Variants in LIPA observed in about 807,000 individuals in gnomAD.
The protein encoded by LIPA is lysosomal acid lipase/cholesteryl ester hydrolase.
LIPA carries 26 observed loss-of-function variants against 40.6 expected under a neutral mutation model. The ratio of observed to expected loss-of-function variants is 0.64; its 90% CI spans 0.47 to 0.89. The LOEUF (loss-of-function observed/expected upper bound fraction) is 0.89. Among genes scored for constraint, LIPA ranks in the 40% least tolerant of loss-of-function variants. The pLI is 0.00. For missense variants in LIPA, 455 were observed against 479.6 expected (o/e 0.95, Z 0.48); for synonymous variants, 188 against 168.4 (o/e 1.12, Z -0.90).
chr10:89,353,299 A>G (rs1015269984), intron 2 of LIPA, among the ~76,000 whole-genome samples: 2 of 152,192 alleles, frequency 1.3e-5, no homozygotes, highest in African/African-American at 4.8e-5. Context: ...GGCAGAGTTT[A>G]ACTGGTATAT....
At chr10:89,308,344 T>C (rs189248358) in intron 1 of LIPA, 1 of 152,090 alleles carries the variant, frequency 6.6e-6, no homozygotes, top group South Asian at 2.1e-4. Context: ...AAATGAAGAC[T>C]GAACTCTGTT....
chr10:89,363,024 GA>G, intron 2 of LIPA: 1 of 244,108 alleles, frequency 4.1e-6, no homozygotes. Context: ...AAAGCACACT[GA>G]AAAAGCTCTA....
intron 1 of LIPA, chr10:89,306,434 T>C: frequency 1.2e-6 from 2 of 1,614,058 alleles, no homozygotes; most frequent in Non-Finnish European, 1.7e-6. Context: ...AGCGAAGGTG[T>C]GCTTTGAGAA....
chr10:89,250,107 C>CTTTTTTT (rs398038546), intron 1 of LIPA, among the ~76,000 whole-genome samples: 13 of 96,064 alleles, frequency 1.4e-4, no homozygotes, highest in Middle Eastern at 0.013. Flanking sequence ...TCTTTTCTTT[C>CTTTTTTT]TTTTTTTTTT....
chr10:89,307,168 A>G, intron 1 of LIPA: 3 of 1,613,962 alleles, frequency 1.9e-6, no homozygotes, highest in Non-Finnish European at 2.5e-6. Flanking sequence ...TAAACCAGAA[A>G]TCAAGGGAGA....
intron 1 of LIPA, chr10:89,301,895 CT>C (rs1449944377): frequency 2.1e-6 from 1 of 472,770 alleles, no homozygotes; most frequent in Non-Finnish European, 3.9e-6. Flanking sequence ...AAAGAGTCCT[CT>C]AAAGTATAAT....
chr10:89,331,948 T>C (rs1017753630), intron 1 of LIPA, among the ~76,000 whole-genome samples: 13 of 151,788 alleles, frequency 8.6e-5, no homozygotes, highest in Non-Finnish European at 1.9e-4. Flanking sequence ...CTAGGTTGTC[T>C]GAGGCCGGGC....
intron 1 of LIPA, among the ~76,000 whole-genome samples, chr10:89,273,076 A>G (rs2133493735): frequency 6.6e-6 from 1 of 152,366 alleles, no homozygotes; most frequent in Admixed American, 6.5e-5. Flanking sequence ...AAGAAGTTAT[A>G]AACACTAGCT....
chr10:89,262,450 C>G (rs1843215644), intron 1 of LIPA, among the ~76,000 whole-genome samples: 1 of 152,200 alleles, frequency 6.6e-6, no homozygotes, highest in Non-Finnish European at 1.5e-5. Flanking sequence ...GCCTAAGGCT[C>G]CTAAATGACA....
intron 1 of LIPA, among the ~76,000 whole-genome samples, chr10:89,250,098 C>CTTTCTTTTTTTTTTTTTTTTTTTTTTTT (rs1564767178): frequency 2.0e-5 from 2 of 101,680 alleles, no homozygotes; most frequent in Non-Finnish European, 3.9e-5. Context: ...TTTTTCTTTT[C>CTTTCTTTTTTTTTTTTTTTTTTTTTTTT]TTTTCTTTCT....
chr10:89,335,338 T>A (rs1281652924), intron 1 of LIPA: 1 of 152,176 alleles, frequency 6.6e-6, no homozygotes, highest in Non-Finnish European at 1.5e-5. Flanking sequence ...AGATCCATAT[T>A]CAGAGCTCTT....
chr10:89,371,964 G>C (rs1181263231), intron 2 of LIPA, among the ~76,000 whole-genome samples: 2 of 152,170 alleles, frequency 1.3e-5, no homozygotes, highest in Admixed American at 6.5e-5. Context: ...CAGAAAACAA[G>C]ATACTGCATG....
chr10:89,256,376 T>C (rs1434759350), upstream of LIPA, among the ~76,000 whole-genome samples: 2 of 152,118 alleles, frequency 1.3e-5, no homozygotes, highest in Non-Finnish European at 2.9e-5. Context: ...AGATCCCCTA[T>C]AAAGTAAGCA....
chr10:89,251,993 A>C (rs529391468), upstream of LIPA: 10 of 152,464 alleles, frequency 6.6e-5, no homozygotes, highest in South Asian at 1.7e-3. Flanking sequence ...CGTTTCTAAG[A>C]GATGGAGCCC....
At chr10:89,308,532 A>G (rs1843497899) in intron 1 of LIPA, 1 of 152,140 alleles carries the variant, frequency 6.6e-6, no homozygotes, top group Admixed American at 6.5e-5. Flanking sequence ...AACTCCGAAA[A>G]TCTTCTGAGA....
intron 1 of LIPA, among the ~76,000 whole-genome samples, chr10:89,295,707 G>A (rs1382176337): frequency 6.6e-6 from 1 of 152,152 alleles, no homozygotes; most frequent in Non-Finnish European, 1.5e-5. Flanking sequence ...TATTGTTCTA[G>A]GAAATATGAA....
chr10:89,344,842 G>C (rs532403996), upstream of LIPA, among the ~76,000 whole-genome samples: 12 of 152,272 alleles, frequency 7.9e-5, no homozygotes, highest in East Asian at 5.8e-4. Context: ...AAAGTTGCCA[G>C]ATAATAAACG....
At chr10:89,370,319 G>A (rs560629180) in intron 2 of LIPA, among the ~76,000 whole-genome samples, 89 of 151,798 alleles carry the variant, frequency 5.9e-4, no homozygotes, top group South Asian at 3.1e-3. Context: ...CAAACACCTG[G>A]GCTCAAGCAA....
intron 1 of LIPA, chr10:89,309,116 C>T (rs1843501759): frequency 6.6e-6 from 1 of 152,240 alleles, no homozygotes; most frequent in Non-Finnish European, 1.5e-5. Flanking sequence ...CAGCTGCCAT[C>T]TGCCACCTGC....
Sources: gnomAD v4.1 joint callset for allele counts (sites outside exome capture counted in the v4.1 genomes callset) on GRCh38, gnomAD v4.1.1 for gene constraint, MANE v1.5 for transcripts, NCBI Gene and HGNC (gene_info 2026-07-23, HGNC 2026-07-21) for gene names.